DAB1: variants seen among roughly 807,000 people sequenced by gnomAD.
The protein encoded by DAB1 is disabled homolog 1.
Under a neutral mutation model 64.6 loss-of-function variants are expected in DAB1, and 15 were observed. The ratio of observed to expected loss-of-function variants is 0.23; its 90% confidence interval spans 0.16 to 0.36. The LOEUF (loss-of-function observed/expected upper bound fraction) is 0.36, where lower values mean the gene tolerates loss of function less well. Among genes scored for constraint, DAB1 ranks in the 10% least tolerant of loss-of-function variants. The probability of loss-of-function intolerance (pLI) is 1.00; values close to 1 mark genes in which losing one functional copy is unlikely to be tolerated. For synonymous variants in DAB1, 235 were observed against 251.9 expected, an observed-to-expected ratio of 0.93 and a Z score of 0.64; for missense variants, 596 against 706.7, an observed-to-expected ratio of 0.84 and a Z score of 1.78.
intron 3 of DAB1, among the ~76,000 whole-genome samples, chr1:58,363,255 A>C (rs1644183934): frequency 6.6e-6 from 1 of 152,196 alleles, no homozygotes; most frequent in Non-Finnish European, 1.5e-5. Flanking sequence ...AATATCTTTA[A>C]ATATCATCTA....
rs1037228156 is a variant in DAB1, at chr1:57,292,279, T to A, written c.-136-1113A>T. On this transcript the variant is annotated intron_variant, in intron 1 of 14. Transcript: ENST00000371236. ...CAGAAAGTCTAATATAAAAGCCACA[T>A]AAAATTATAGTAAAGCTTCAATATG... Among the ~76,000 whole-genome samples the A allele has an allele frequency of 5.9e-5, 9 of 152,278 alleles. No homozygotes were observed. In the South Asian group the frequency reaches 1.2e-3, roughly 21 times the overall value.
rs145911462 is a variant in DAB1, at chr1:58,397,162, C to A, written n.258-53759G>T. ...GGGAGAGAGCGGGGTGGGAGGAAAG[C>A]GGTAACACTCCCACAACTCCTTTGT... is the stretch of plus-strand genomic sequence containing the variant. On this transcript the variant is annotated intron_variant and non_coding_transcript_variant, in intron 3 of 20. Coordinates refer to the DAB1 transcript ENST00000485760. Among the ~76,000 whole-genome samples the A allele has an allele frequency of 1.4e-3, 212 of 152,066 alleles. 1 individual carries two copies. Among genetic ancestry groups the A allele is most frequent in the African/African-American group, 4.9e-3 (202 of 41,496 alleles).
intron 3 of DAB1, among the ~76,000 whole-genome samples, chr1:58,482,692 G>A (rs942275127): frequency 4.6e-5 from 7 of 152,092 alleles, no homozygotes; most frequent in Non-Finnish European, 1.0e-4. Flanking sequence ...GGGTCAAGAG[G>A]GGGACAGACC....
In DAB1 at chr1:58,032,044, T is replaced by C. The variant is rs545684239; in HGVS notation, n.387+118467A>G. On this transcript the variant is annotated intron_variant and non_coding_transcript_variant, in intron 5 of 20. Coordinates refer to the DAB1 transcript ENST00000485760. Reference sequence around the variant, plus strand: ...TGTGTGTGTGTGTGTGTGTGTTTAATCTGACCTTCTAAACTCTGCTTCTCA... The same window carrying C: ...TGTGTGTGTGTGTGTGTGTGTTTAACCTGACCTTCTAAACTCTGCTTCTCA... Among the ~76,000 whole-genome samples the C allele has an allele frequency of 2.8e-5, 4 of 141,172 alleles. No homozygotes were observed. In the East Asian group the frequency reaches 6.0e-4, roughly 21 times the overall value. 92.6% of individuals were successfully genotyped at this position (141,172 alleles called of 152,430 possible). A position where few individuals can be genotyped will look rare whatever the true frequency, so the allele number is the denominator to read the frequency against.
intron 6 of DAB1, among the ~76,000 whole-genome samples, chr1:57,655,209 T>C (rs1646302214): frequency 6.6e-6 from 1 of 152,092 alleles, no homozygotes; most frequent in South Asian, 2.1e-4. Context: ...CATACATCCA[T>C]CAACCAACTA....
intron 6 of DAB1, among the ~76,000 whole-genome samples, chr1:57,674,944 T>C (rs1646548858): frequency 6.6e-6 from 1 of 152,214 alleles, no homozygotes; most frequent in Non-Finnish European, 1.5e-5. Flanking sequence ...TGCAGTTGGT[T>C]TGAAGCCCTG....
chr1:57,069,457 A>C, intron 7 of DAB1, 32 bp from the exon 8 acceptor site: 5 of 1,575,848 alleles, frequency 3.2e-6, no homozygotes, highest in African/African-American at 1.3e-5. Context: ...AGGAAAGGTC[A>C]GAGGTGAAAA....
At chr1:57,259,825 CA>C (rs1170941312) in intron 2 of DAB1, among the ~76,000 whole-genome samples, 1 of 152,188 alleles carries the variant, frequency 6.6e-6, no homozygotes, top group Non-Finnish European at 1.5e-5. Flanking sequence ...TAGAAGACAT[CA>C]AGCACTATCT....
intron 4 of DAB1, among the ~76,000 whole-genome samples, chr1:57,114,910 G>A (rs1655974126): frequency 6.6e-6 from 1 of 152,086 alleles, no homozygotes; most frequent in Non-Finnish European, 1.5e-5. Context: ...GCTTAACTTT[G>A]TAAGCTGTCC....
intron 5 of DAB1, among the ~76,000 whole-genome samples, chr1:57,996,172 T>A (rs1570193602): frequency 1.3e-5 from 2 of 152,130 alleles, no homozygotes; most frequent in South Asian, 2.1e-4. Context: ...GGCAGGAGAA[T>A]CTCTGGAACC....
intron 5 of DAB1, among the ~76,000 whole-genome samples, chr1:58,124,192 TTATA>T (rs112316442): frequency 2.7e-5 from 4 of 148,676 alleles, no homozygotes; most frequent in Admixed American, 2.0e-4. Context: ...TATTCTTAGA[TTATA>T]TATATATATA....
chr1:57,125,488 A>G (rs942014983), intron 4 of DAB1, among the ~76,000 whole-genome samples: 2 of 152,178 alleles, frequency 1.3e-5, no homozygotes, highest in Admixed American at 1.3e-4. Context: ...TAGGTATCAT[A>G]TAATCTCTCT....
rs1443437701 is a variant in DAB1, at chr1:57,045,611, T to C, written c.723+17273A>G. On this transcript the variant is annotated intron_variant, in intron 9 of 14. Coordinates refer to ENST00000371236, the MANE Select transcript of DAB1 (RefSeq NM_001365792.1). ...TACTTGGGAGACTGAGGCAGGAGAA[T>C]CACTTGAACCTGGGAAGCGGAGGTT... Among the ~76,000 whole-genome samples, 3 of 152,060 alleles carry C rather than the reference T, an allele frequency of 2.0e-5. No homozygotes were observed. In the East Asian group the frequency reaches 5.8e-4, roughly 29 times the overall value.
intron 3 of DAB1, among the ~76,000 whole-genome samples, chr1:58,489,875 G>A (rs1422058354): frequency 6.6e-6 from 1 of 152,218 alleles, no homozygotes; most frequent in Non-Finnish European, 1.5e-5. Context: ...ACCTGCAGCT[G>A]AGGGTCCTGA....
chr1:57,817,416 C>T (rs1651916422), intron 6 of DAB1, among the ~76,000 whole-genome samples: 1 of 152,186 alleles, frequency 6.6e-6, no homozygotes, highest in Admixed American at 6.5e-5. Flanking sequence ...GCCAGCTGCC[C>T]ATGAAGGGTC....
Position 57,528,651 on chromosome 1 carries a change from C to T in DAB1, n.625+120941G>A, listed in dbSNP as rs796909719. 7.1e-4 allele frequency among the ~76,000 whole-genome samples: 106 copies of T among 149,884 alleles called. No homozygotes were observed. The East Asian group carries it at 7.4e-3, about 11-fold the overall frequency. The stretch of plus-strand genomic sequence containing the variant: ...AAAAGCAGCAGGACACACACACACA[C>T]ACACACACACACACACACACACACA... On this transcript the variant is annotated intron_variant and non_coding_transcript_variant, in intron 7 of 20. Coordinates refer to the DAB1 transcript ENST00000485760.
In DAB1 at chr1:58,438,086, T is replaced by C. The variant is rs115611747; in HGVS notation, n.257+67974A>G. On this transcript the variant is annotated intron_variant and non_coding_transcript_variant, in intron 3 of 20. Coordinates refer to the DAB1 transcript ENST00000485760. ...CTGACTGTGTGGAGACCCTGTCCTC[T>C]CCCTGAGGCCCCGGTGGCTGCAATC... Among the ~76,000 whole-genome samples, 1,420 of 152,242 alleles carry C rather than the reference T, an allele frequency of 9.3e-3. 26 individuals carry two copies. Among genetic ancestry groups the C allele is most frequent in the African/African-American group, 0.033 (1,352 of 41,546 alleles).
chr1:57,827,349 T>C (rs1652396031), intron 1 of DAB1, among the ~76,000 whole-genome samples: 1 of 152,238 alleles, frequency 6.6e-6, no homozygotes, highest in East Asian at 1.9e-4. Flanking sequence ...TTAGTATCTG[T>C]GCCTAGGATA....
rs146446647 is a variant in DAB1 at position 57,903,318 on chromosome 1, T to C, written n.388-19156A>G. The stretch of plus-strand genomic sequence containing the variant: ...TTCTAATTCTATCATTCCTCTAAGT[T>C]AGTTGGCTTCTATGATCTTCTAAAA... On this transcript the variant is annotated intron_variant and non_coding_transcript_variant, in intron 5 of 20. Coordinates refer to the DAB1 transcript ENST00000485760. Among the ~76,000 whole-genome samples the C allele has an allele frequency of 1.4e-3, 213 of 152,316 alleles. 4 individuals carry two copies. The highest frequency in any genetic ancestry group is 0.013 in the Admixed American group (204 of 15,294).
Sources: gnomAD v4.1 joint callset for allele counts (sites outside exome capture counted in the v4.1 genomes callset) on GRCh38, gnomAD v4.1.1 for gene constraint, MANE v1.5 for transcripts, NCBI Gene and HGNC (gene_info 2026-07-23, HGNC 2026-07-21) for gene names.